The following NMS variants were observed in gnomAD, a reference collection of about 807,000 sequenced individuals.
NMS encodes the protein neuromedin S.
NMS carries 30 observed loss-of-function variants against 32.2 expected under a neutral mutation model. The ratio of observed to expected loss-of-function variants is 0.93; its 90% CI spans 0.70 to 1.26. NMS has a LOEUF of 1.26. Among genes scored for constraint, NMS ranks in the 50% most tolerant of loss-of-function variants. The probability of loss-of-function intolerance (pLI) is 0.00; values close to 1 mark genes in which losing one functional copy is unlikely to be tolerated. For missense variants in NMS, 190 were observed against 186.3 expected (o/e 1.02, Z -0.12); for synonymous variants, 76 against 58.5 (o/e 1.30, Z -1.37).
intron 7 of NMS, 43 bp from the exon 8 acceptor site, chr2:100,481,083 T>C (rs749097056): frequency 8.7e-6 from 14 of 1,605,974 alleles, no homozygotes; most frequent in Non-Finnish European, 1.1e-5. Flanking sequence ...GAACTTGTAA[T>C]GCAATATGGT....
chr2:100,477,591 T>TG (rs1038975904), intron 5 of NMS, among the ~76,000 whole-genome samples, 177 bp downstream of exon 5: 25 of 152,202 alleles, frequency 1.6e-4, no homozygotes, highest in African/African-American at 5.5e-4. Context: ...CCCTCTGGGC[T>TG]GGGGGTGGTA....
intron 3 of NMS, among the ~76,000 whole-genome samples, chr2:100,476,618 C>T (rs1467875708): frequency 6.6e-6 from 1 of 152,180 alleles, no homozygotes; most frequent in Non-Finnish European, 1.5e-5. Context: ...TGATTGTTCA[C>T]AGTAATCATC....
intron 8 of NMS, 24 bp downstream of exon 8, chr2:100,481,191 G>A (rs1368202062): frequency 6.2e-7 from 1 of 1,612,556 alleles, no homozygotes; most frequent in Admixed American, 1.7e-5. Flanking sequence ...TCTCACCTTT[G>A]CTTTCTAACC....
Position 100,472,810 on chromosome 2 carries a change from T to C in NMS, c.92T>C (p.Leu31Ser), listed in dbSNP as rs1207938971. The C allele has an allele frequency of 6.2e-7, 1 of 1,609,178 alleles. No individual in the cohort carries two copies. Among genetic ancestry groups the C allele is most frequent in the Non-Finnish European group, 8.5e-7 (1 of 1,175,976 alleles). The stretch of plus-strand genomic sequence containing the variant: ...CTCACAATAGGATTTCCTCAACCTT[T>C]AGCTGATCCTTCAGATGGCTTGGAT... ...QIPSSGFPQP[L>S]ADPSDGLDIV... Residue 31 changes from leucine to serine, a missense_variant, in exon 2 of 10, where the codon TTA (leucine) becomes TCA (serine). Leu to Ser is a moderately radical substitution (Grantham distance 145, BLOSUM62 -2). Coordinates refer to ENST00000376865, the MANE Select transcript of NMS (RefSeq NM_001011717.1).
At chr2:100,475,928 G>T (rs1294439452) in intron 3 of NMS, among the ~76,000 whole-genome samples, 1 of 151,322 alleles carries the variant, frequency 6.6e-6, no homozygotes, top group Non-Finnish European at 1.5e-5. Context: ...GAACCTGGGA[G>T]GTGGAGGCTG....
In NMS at chr2:100,482,439, C is replaced by T. The variant is rs775691241; in HGVS notation, c.449+128C>T. On this transcript the variant is annotated intron_variant, in intron 9 of 9. Transcript: ENST00000376865. ...TCAAGAAATGAGGACCCTTCATAAC[C>T]CCCAGGAACTCTGCCCCTTCCCTTT... The T allele has an allele frequency of 2.4e-4, 201 of 854,918 alleles. 1 individual carries two copies. The highest frequency in any genetic ancestry group is 3.2e-4 in the Non-Finnish European group (170 of 523,576). The allele number at this position is 854,918 out of a possible 1,614,324, so 53.0% of individuals were successfully genotyped here.
chr2:100,479,168 C>T (rs1396906489), intron 5 of NMS, among the ~76,000 whole-genome samples, 185 bp from the exon 6 acceptor site: 2 of 152,196 alleles, frequency 1.3e-5, no homozygotes, highest in South Asian at 2.1e-4. Context: ...CCTGTTCTCA[C>T]GGCAAGCGGC....
chr2:100,472,871 G>A (rs373975833), intron 2 of NMS, 21 bp downstream of exon 2: 6 of 1,564,868 alleles, frequency 3.8e-6, no homozygotes, highest in Non-Finnish European at 5.3e-6. Context: ...ATTCAGTAAT[G>A]TGAGATTTTT....
chr2:100,475,429 T>C (rs1199458617), intron 3 of NMS, among the ~76,000 whole-genome samples: 2 of 152,178 alleles, frequency 1.3e-5, no homozygotes, highest in African/African-American at 4.8e-5. Flanking sequence ...CTGCAAATGA[T>C]GACATCCACA....
At chr2:100,480,355 T>G in intron 6 of NMS, 141 bp from the exon 7 acceptor site, 1 of 779,614 alleles carries the variant, frequency 1.3e-6, no homozygotes, top group South Asian at 1.8e-5. Flanking sequence ...TCCCACCATT[T>G]GCCATGCTCT....
intron 3 of NMS, 107 bp from the exon 4 acceptor site, chr2:100,477,137 G>C (rs113962187): frequency 2.9e-4 from 245 of 852,940 alleles, no homozygotes; most frequent in South Asian, 8.5e-4. Flanking sequence ...TATCATAATA[G>C]TCAGGTAAAT....
Position 100,472,683 on chromosome 2 carries a change from TC to T in NMS, c.77-111del, listed in dbSNP as rs1573233488. Reference sequence around the variant, plus strand: ...TTCCCACTGACCTCTTTTGAATGGTTCTTTGGTGGTTTATTATTTTAACAGA... The same window carrying T: ...TTCCCACTGACCTCTTTTGAATGGTTTTTGGTGGTTTATTATTTTAACAGA... On this transcript the variant is annotated intron_variant, in intron 1 of 9. Coordinates refer to ENST00000376865, the MANE Select transcript of NMS (RefSeq NM_001011717.1). 9.0e-6 allele frequency: 6 copies of T among 670,064 alleles called. No homozygotes were observed. In the East Asian group the frequency reaches 1.6e-4, roughly 18 times the overall value. 41.5% of individuals were successfully genotyped at this position (670,064 alleles called of 1,614,324 possible). A position where few individuals can be genotyped will look rare whatever the true frequency, so the allele number is the denominator to read the frequency against.
At chr2:100,471,034 G>T (rs1676998340) in intron 1 of NMS, among the ~76,000 whole-genome samples, 1 of 152,222 alleles carries the variant, frequency 6.6e-6, no homozygotes, top group South Asian at 2.1e-4. Flanking sequence ...CCTTTCCATT[G>T]GGTTTTAGAG....
At position 100,472,840 on chromosome 2, in the gene NMS, T is replaced by A; in HGVS notation, c.122T>A (p.Val41Glu). ...LADPSDGLDI[V>E]QLEQLAYCLS... The stretch of plus-strand genomic sequence containing the variant: ...GATCCTTCAGATGGCTTGGATATTG[T>A]GCAGCTTGAGGTACCCAATTATTCA... The change falls in exon 2 of 10, where the codon GTG (valine) becomes GAG (glutamate). Residue 41 changes from valine (V) to glutamate (E), a missense_variant. Transcript: ENST00000376865. 4 of 1,609,206 alleles carry A rather than the reference T, an allele frequency of 2.5e-6. No individual in the cohort carries two copies. The highest frequency in any genetic ancestry group is 3.4e-6 in the Non-Finnish European group (4 of 1,175,876).
chr2:100,479,741 C>T (rs1332780551), intron 6 of NMS, among the ~76,000 whole-genome samples: 10 of 152,166 alleles, frequency 6.6e-5, no homozygotes, highest in African/African-American at 2.4e-4. Flanking sequence ...TTTCACTTCC[C>T]CTGTCTCTTT....
intron 6 of NMS, 84 bp from the exon 7 acceptor site, chr2:100,480,412 C>G: frequency 7.2e-7 from 1 of 1,382,040 alleles, no homozygotes; most frequent in Non-Finnish European, 1.0e-6. Flanking sequence ...AGAAGCAAGG[C>G]AGGGAGGGCA....
chr2:100,474,251 G>A (rs7574974), intron 3 of NMS, among the ~76,000 whole-genome samples: 48,426 of 151,958 alleles, frequency 0.32, 8,882 homozygotes, highest in African/African-American at 0.5. Context: ...TTTACTTGAA[G>A]GTACAAAAGG....
At chr2:100,479,865 C>T (rs750832540) in intron 6 of NMS, among the ~76,000 whole-genome samples, 1 of 152,158 alleles carries the variant, frequency 6.6e-6, no homozygotes, top group Non-Finnish European at 1.5e-5. Context: ...TAGAAATTAC[C>T]AGCTGAACCT....
chr2:100,473,781 C>T (rs1347504767), intron 3 of NMS, among the ~76,000 whole-genome samples: 2 of 151,842 alleles, frequency 1.3e-5, no homozygotes, highest in African/African-American at 4.8e-5. Context: ...TTATTATAAT[C>T]ATGTATAGTT....
Sources: gnomAD v4.1 joint callset for allele counts (sites outside exome capture counted in the v4.1 genomes callset) on GRCh38, gnomAD v4.1.1 for gene constraint, MANE v1.5 for transcripts, NCBI Gene and HGNC (gene_info 2026-07-23, HGNC 2026-07-21) for gene names.